MECOM: variants seen among roughly 807,000 people sequenced by gnomAD.
MECOM encodes the protein histone-lysine N-methyltransferase MECOM.
MECOM carries 13 observed loss-of-function variants against 116.3 expected under a neutral mutation model. The observed-to-expected ratio is 0.11, with a 90% CI of 0.07 to 0.18. The LOEUF (loss-of-function observed/expected upper bound fraction) is 0.18, where lower values mean the gene tolerates loss of function less well. MECOM is among the 10% of genes least tolerant of loss of function. The pLI, the probability that MECOM is intolerant of heterozygous loss-of-function variation, is 1.00. For synonymous variants in MECOM, 528 were observed against 535.2 expected (o/e 0.99, Z 0.19); for missense variants, 1,299 against 1,509.0 (o/e 0.86, Z 2.31).
At chr3:169,589,023 C>T (rs1314064407) in intron 1 of MECOM, among the ~76,000 whole-genome samples, 1 of 151,896 alleles carries the variant, frequency 6.6e-6, no homozygotes, top group East Asian at 1.9e-4. Flanking sequence ...ATGACTATTC[C>T]ATATCTATAT....
At chr3:169,411,970 G>T (rs967612155) in intron 1 of MECOM, among the ~76,000 whole-genome samples, 1 of 150,404 alleles carries the variant, frequency 6.6e-6, no homozygotes, top group Non-Finnish European at 1.5e-5. Context: ...CAGCCTGTGC[G>T]AAAGAGCAAG....
intron 1 of MECOM, among the ~76,000 whole-genome samples, chr3:169,513,826 T>C (rs1489197942): frequency 1.3e-5 from 2 of 152,190 alleles, no homozygotes; most frequent in African/African-American, 4.8e-5. Context: ...AGATCAATAA[T>C]TGAGAGCTTT....
chr3:169,135,599 C>A (rs889645861), intron 3 of MECOM, among the ~76,000 whole-genome samples: 3 of 151,910 alleles, frequency 2.0e-5, no homozygotes, highest in African/African-American at 7.2e-5. Context: ...GTAGCTAATA[C>A]CAAAATCCAG....
intron 2 of MECOM, among the ~76,000 whole-genome samples, chr3:169,228,315 G>A (rs2149514923): frequency 6.6e-6 from 1 of 152,268 alleles, no homozygotes; most frequent in East Asian, 1.9e-4. Context: ...TTTTTTCTAA[G>A]CTCAGTGCAA....
chr3:169,564,907 G>T (rs1560438595), intron 1 of MECOM, among the ~76,000 whole-genome samples: 1 of 152,202 alleles, frequency 6.6e-6, no homozygotes, highest in Non-Finnish European at 1.5e-5. Context: ...CTTCTGTTTA[G>T]CCAGGTGAAC....
intron 3 of MECOM, among the ~76,000 whole-genome samples, chr3:169,136,872 C>A (rs1438686232): frequency 1.3e-5 from 2 of 152,088 alleles, no homozygotes; most frequent in Non-Finnish European, 2.9e-5. Context: ...TGATCAAACA[C>A]TGGAAGTTTT....
chr3:169,378,584 A>G (rs959261594), intron 2 of MECOM, among the ~76,000 whole-genome samples: 1 of 22,856 alleles, frequency 4.4e-5, no homozygotes, highest in Non-Finnish European at 1.0e-4. Flanking sequence ...GAAAGAAAGA[A>G]AGTAAGTAAG....
At chr3:169,338,853 T>G (rs1341287777) in intron 2 of MECOM, among the ~76,000 whole-genome samples, 1 of 152,128 alleles carries the variant, frequency 6.6e-6, no homozygotes, top group African/African-American at 2.4e-5. Context: ...TTACTCATAG[T>G]GTCTTAGCAG....
At chr3:169,131,892 G>C in intron 3 of MECOM, 1 of 1,016,318 alleles carries the variant, frequency 9.8e-7, no homozygotes, top group South Asian at 3.8e-5. Context: ...CGTACTCACA[G>C]AGTTGAATCC....
rs140931991 is a variant in MECOM at position 169,530,674 on chromosome 3, A to C, written c.37+132662T>G. On this transcript the variant is annotated intron_variant, in intron 1 of 16. Transcript: ENST00000651503. The stretch of plus-strand genomic sequence containing the variant: ...AGGAGCGTAGACAGCCTAATGTTTC[A>C]ATCCCAGTTCTGCTACTTACTGACT... Among the ~76,000 whole-genome samples the C allele has an allele frequency of 1.3e-3, 200 of 152,188 alleles. 3 individuals are homozygous for C. Among genetic ancestry groups the C allele is most frequent in the African/African-American group, 4.6e-3 (193 of 41,524 alleles).
chr3:169,614,967 C>T (rs896182021), intron 1 of MECOM: 1 of 152,258 alleles, frequency 6.6e-6, no homozygotes, highest in Admixed American at 6.5e-5. Context: ...GTTATCCAAT[C>T]TGTCTTTGCC....
At chr3:169,298,213 G>A (rs1318539622) in intron 2 of MECOM, among the ~76,000 whole-genome samples, 3 of 152,004 alleles carry the variant, frequency 2.0e-5, no homozygotes, top group Non-Finnish European at 2.9e-5. Flanking sequence ...GTATTTATAT[G>A]CCTTCTACTT....
At chr3:169,393,835 A>G (rs182870526) in intron 1 of MECOM, among the ~76,000 whole-genome samples, 1 of 152,318 alleles carries the variant, frequency 6.6e-6, no homozygotes, top group African/African-American at 2.4e-5. Context: ...ATATTTCAAT[A>G]GCATTGTAGA....
intron 1 of MECOM, among the ~76,000 whole-genome samples, chr3:169,512,884 T>G (rs1283150467): frequency 1.3e-5 from 2 of 152,198 alleles, no homozygotes; most frequent in Non-Finnish European, 2.9e-5. Context: ...CCAGGGTTGC[T>G]ATATCAACTT....
At chr3:169,341,277 T>C (rs1039612125) in intron 2 of MECOM, among the ~76,000 whole-genome samples, 1 of 151,852 alleles carries the variant, frequency 6.6e-6, no homozygotes, top group Non-Finnish European at 1.5e-5. Flanking sequence ...TTATGTTAAG[T>C]GAAATAAGCC....
chr3:169,196,875 C>T (rs992234956), intron 2 of MECOM, among the ~76,000 whole-genome samples: 1 of 151,966 alleles, frequency 6.6e-6, no homozygotes, highest in Non-Finnish European at 1.5e-5. Flanking sequence ...ATTTTAATTG[C>T]AGCACTATTC....
chr3:169,484,787 CTCA>C (rs869073721), intron 1 of MECOM, among the ~76,000 whole-genome samples: 3 of 114,838 alleles, frequency 2.6e-5, no homozygotes, highest in Non-Finnish European at 4.0e-5. Context: ...AGAGAAATTG[CTCA>C]TCAACACTAC....
intron 2 of MECOM, among the ~76,000 whole-genome samples, chr3:169,261,148 T>G (rs141779592): frequency 2.6e-5 from 4 of 152,310 alleles, no homozygotes; most frequent in African/African-American, 9.6e-5. Flanking sequence ...AGATGTTATA[T>G]CCTAAAGATA....
At chr3:169,252,517 AT>A (rs1756378173) in intron 2 of MECOM, among the ~76,000 whole-genome samples, 1 of 150,628 alleles carries the variant, frequency 6.6e-6, no homozygotes, top group South Asian at 2.1e-4. Context: ...TATATAACAA[AT>A]ATTTATAAAA....
Sources: allele counts gnomAD v4.1 joint callset (sites outside exome capture counted in the v4.1 genomes callset), GRCh38; gene constraint gnomAD v4.1.1; transcripts MANE v1.5; gene names NCBI Gene and HGNC (gene_info 2026-07-23, HGNC 2026-07-21).